The following EML6 variants were observed in gnomAD, a reference collection of about 807,000 sequenced individuals.
EML6 encodes the protein echinoderm microtubule-associated protein-like 6.
Under a neutral mutation model 240.1 loss-of-function variants are expected in EML6, and 154 were observed. The ratio of observed to expected loss-of-function variants is 0.64; its 90% confidence interval spans 0.56 to 0.73. The LOEUF is 0.73. EML6 is among the 30% of genes least tolerant of loss of function. The pLI is 0.00. For missense variants in EML6, 2,964 were observed against 2,474.6 expected (o/e 1.20, Z -4.20); for synonymous variants, 1,148 against 899.0 (o/e 1.28, Z -4.95).
At chr2:54,935,348 CT>C (rs1435988813) in intron 28 of EML6, among the ~76,000 whole-genome samples, 3 of 152,124 alleles carry the variant, frequency 2.0e-5, no homozygotes, top group Non-Finnish European at 4.4e-5. Flanking sequence ...TTTAATTGTT[CT>C]TTCTAATGGA....
At position 54,967,045 on chromosome 2, in the gene EML6, G is replaced by C; in HGVS notation, c.5539G>C (p.Gly1847Arg). The C allele has an allele frequency of 6.4e-7, 1 of 1,551,498 alleles. No individual in the cohort carries two copies. The highest frequency in any genetic ancestry group is 8.7e-7 in the Non-Finnish European group (1 of 1,146,896). The change falls in exon 39 of 42, where the codon GGG (glycine) becomes CGG (arginine). Residue 1847 changes from glycine to arginine, a missense_variant. Coordinates refer to ENST00000356458, the MANE Select transcript of EML6 (RefSeq NM_001039753.4). ...YKRQVHEVPL[G>R]KQVTEAVVIE... Reference sequence around the variant, plus strand: ...GCGCCAGGTGCATGAGGTCCCCCTGGGGAAGCAGGTAACTGAAGCCGTGGT... The same window carrying C: ...GCGCCAGGTGCATGAGGTCCCCCTGCGGAAGCAGGTAACTGAAGCCGTGGT...
At chr2:54,915,785 C>T (rs1297826553) in intron 25 of EML6, among the ~76,000 whole-genome samples, 1 of 151,980 alleles carries the variant, frequency 6.6e-6, no homozygotes, top group African/African-American at 2.4e-5. Context: ...GTTTCAAATT[C>T]AAAAAGAGAG....
chr2:54,947,369 G>A (rs997236441), intron 28 of EML6, among the ~76,000 whole-genome samples: 24 of 152,250 alleles, frequency 1.6e-4, no homozygotes, highest in Middle Eastern at 3.4e-3. Flanking sequence ...GTTTTGCAGA[G>A]ATGTGCTGTC....
Position 54,797,174 on chromosome 2 carries a change from A to AAACAAAAC in EML6, c.198-16056_198-16055insCAAAACAA, listed in dbSNP as rs1178706322. Reference sequence around the variant, plus strand: ...AGCAAGACTCCATCTCAAAAAAAAAAAAAAAAAAAAAAAAACTGTGATCTT... The same window carrying AAACAAAAC: ...AGCAAGACTCCATCTCAAAAAAAAAAAACAAAACAAAAAAAAAAAAAAACTGTGATCTT... On this transcript the variant is annotated intron_variant, in intron 2 of 41. Transcript: ENST00000356458. Among the ~76,000 whole-genome samples, 18 of 141,054 alleles carry AAACAAAAC rather than the reference A, an allele frequency of 1.3e-4. 1 individual carries two copies. The South Asian group carries it at 2.7e-3, about 21-fold the overall frequency. 92.5% of individuals were successfully genotyped at this position (141,054 alleles called of 152,430 possible).
At chr2:54,922,930 A>G (rs1045179202) in intron 26 of EML6, among the ~76,000 whole-genome samples, 1 of 142,370 alleles carries the variant, frequency 7.0e-6, no homozygotes, top group African/African-American at 2.6e-5. Context: ...CAAAGGGTAT[A>G]AACTTTTTTT....
chr2:54,903,619 A>C (rs1673171194), intron 24 of EML6, 117 bp downstream of exon 24: 3 of 799,032 alleles, frequency 3.8e-6, no homozygotes, highest in Non-Finnish European at 5.6e-6. Flanking sequence ...GGAATCCCAC[A>C]ACAATATAAA....
intron 2 of EML6, among the ~76,000 whole-genome samples, chr2:54,726,132 T>C (rs1682897703): frequency 6.6e-6 from 1 of 152,228 alleles, no homozygotes; most frequent in African/African-American, 2.4e-5. Flanking sequence ...TCACAGGGAA[T>C]CCTTTTCAGC....
At chr2:54,822,884 A>G (rs1374482980) in intron 5 of EML6, among the ~76,000 whole-genome samples, 1 of 152,214 alleles carries the variant, frequency 6.6e-6, no homozygotes, top group Non-Finnish European at 1.5e-5. Context: ...ACTACTCAAA[A>G]GTGTAACATA....
intron 2 of EML6, among the ~76,000 whole-genome samples, chr2:54,799,327 C>CT (rs771317319): frequency 7.2e-5 from 11 of 152,016 alleles, no homozygotes; most frequent in Non-Finnish European, 1.3e-4. Context: ...TCTCAAAGTG[C>CT]TGGGATTACA....
intron 17 of EML6, among the ~76,000 whole-genome samples, chr2:54,884,254 A>G (rs1573065948): frequency 6.7e-6 from 1 of 148,154 alleles, no homozygotes; most frequent in Non-Finnish European, 1.5e-5. Context: ...GGGAAGCTAT[A>G]TAGGGCAAGG....
chr2:54,753,353 C>T (rs1438105305), intron 2 of EML6, among the ~76,000 whole-genome samples: 1 of 152,136 alleles, frequency 6.6e-6, no homozygotes. Flanking sequence ...TGTGACATTA[C>T]ATGGCAAAAG....
Position 54,924,165 on chromosome 2 carries a change from T to A in EML6, c.3676-4148T>A, listed in dbSNP as rs573113361. 4.4e-4 allele frequency among the ~76,000 whole-genome samples: 67 copies of A among 152,342 alleles called. 1 individual carries two copies. The South Asian group carries it at 0.013, about 29-fold the overall frequency. On this transcript the variant is annotated intron_variant, in intron 26 of 41. Coordinates refer to ENST00000356458, the MANE Select transcript of EML6 (RefSeq NM_001039753.4). Reference sequence around the variant, plus strand: ...AATTTCTGAGTCATGGGGAAAAATATATATAACATTTTAAGAAACTGCCAG... The same window carrying A: ...AATTTCTGAGTCATGGGGAAAAATAAATATAACATTTTAAGAAACTGCCAG...
At position 54,850,173 on chromosome 2, in the gene EML6, C is replaced by T. The variant is rs1472028462; in HGVS notation, c.1399C>T (p.Gln467Ter). Residue 467 changes from glutamine (Q) to a stop codon, truncating the protein, a stop_gained, in exon 10 of 42, where the codon CAA (glutamine) becomes TAA (stop). Transcript: ENST00000356458. LOFTEE classifies it high-confidence loss of function. The part of the protein sequence containing the change: ...IDWSLDSKYL[Q>*]TNDGAGERLF... ...CTGGTCCTTGGATAGTAAATACTTA[C>T]AAACTAATGACGGTGCAGGAGAACG... 2 of 1,551,484 alleles carry T rather than the reference C, an allele frequency of 1.3e-6. No homozygotes were observed. Among genetic ancestry groups the T allele is most frequent in the Non-Finnish European group, 1.7e-6 (2 of 1,146,840 alleles).
rs145184496 is a variant in EML6, at chr2:54,806,286, G to C, written c.198-6946G>C. 7.9e-3 allele frequency among the ~76,000 whole-genome samples: 1,206 copies of C among 152,120 alleles called. 6 individuals are homozygous for C. The highest frequency in any genetic ancestry group is 0.015 in the South Asian group (71 of 4,826). ...TTAAATTCAAGGAGAGTTCACCATA[G>C]CTCTCTATGTACATGAGTTGCTCGG... On this transcript the variant is annotated intron_variant, in intron 2 of 41. Coordinates refer to ENST00000356458, the MANE Select transcript of EML6 (RefSeq NM_001039753.4).
In EML6 at chr2:54,966,000, A is replaced by G. The variant is rs142643591; in HGVS notation, c.5494-1000A>G. ...ACATCCAGGAATGAACAAGGACAGC[A>G]TGGAGGTTAGAAACAAGATGGAGCC... On this transcript the variant is annotated intron_variant, in intron 38 of 41. Transcript: ENST00000356458. Among the ~76,000 whole-genome samples the G allele has an allele frequency of 7.2e-3, 1,100 of 152,362 alleles. 5 individuals carry two copies. The highest frequency in any genetic ancestry group is 0.011 in the Non-Finnish European group (782 of 68,028).
At chr2:54,769,752 A>G (rs1235295484) in intron 2 of EML6, among the ~76,000 whole-genome samples, 3 of 152,170 alleles carry the variant, frequency 2.0e-5, no homozygotes, top group Non-Finnish European at 4.4e-5. Context: ...ATTTCACATA[A>G]GATCTCTTTG....
intron 2 of EML6, among the ~76,000 whole-genome samples, chr2:54,773,498 C>T (rs1224476229): frequency 1.3e-5 from 2 of 152,252 alleles, no homozygotes; most frequent in African/African-American, 2.4e-5. Flanking sequence ...TTCTTCCACC[C>T]CTCATCATTC....
intron 10 of EML6, 90 bp downstream of exon 10, chr2:54,850,308 G>C (rs1192385996): frequency 1.7e-6 from 2 of 1,210,028 alleles, no homozygotes; most frequent in Non-Finnish European, 2.3e-6. Flanking sequence ...GGCTCTTTTA[G>C]AATTTGTACA....
At chr2:54,916,139 T>C (rs1469795114) in intron 25 of EML6, among the ~76,000 whole-genome samples, 1 of 152,240 alleles carries the variant, frequency 6.6e-6, no homozygotes, top group African/African-American at 2.4e-5. Context: ...ATATTAAGCT[T>C]GCTGCAGAAT....
Sources: allele counts gnomAD v4.1 joint callset (sites outside exome capture counted in the v4.1 genomes callset), GRCh38; gene constraint gnomAD v4.1.1; transcripts MANE v1.5; gene names NCBI Gene and HGNC (gene_info 2026-07-23, HGNC 2026-07-21).